The following PDPK1 variants were observed in gnomAD, a reference collection of about 807,000 sequenced individuals.
The protein encoded by PDPK1 is 3-phosphoinositide-dependent protein kinase 1.
In PDPK1, 7 loss-of-function variants were observed where a neutral mutation model predicts 39.8. The observed-to-expected ratio is 0.18, with a 90% confidence interval of 0.10 to 0.33. The LOEUF is 0.33. Ranked by LOEUF, PDPK1 falls within the 10% of genes least tolerant of loss-of-function variation. The pLI, the probability that PDPK1 is intolerant of heterozygous loss-of-function variation, is 1.00. For missense variants in PDPK1, 182 were observed against 384.7 expected (o/e 0.47, Z 4.41); for synonymous variants, 118 against 159.1 (o/e 0.74, Z 1.95).
intron 1 of PDPK1, chr16:2,538,545 C>T (rs2066181177): frequency 9.8e-7 from 1 of 1,024,824 alleles, no homozygotes; most frequent in Non-Finnish European, 1.3e-6. Context: ...TCCTTGGCGC[C>T]TCCGCCTGCG....
chr16:2,585,772 G>A (rs2066859411), intron 10 of PDPK1, among the ~76,000 whole-genome samples: 1 of 152,252 alleles, frequency 6.6e-6, no homozygotes, highest in Admixed American at 6.5e-5. Flanking sequence ...GCGGGGCTGT[G>A]GTGCAGCTGT....
At chr16:2,544,145 T>C (rs2066291838) in intron 1 of PDPK1, among the ~76,000 whole-genome samples, 1 of 152,200 alleles carries the variant, frequency 6.6e-6, no homozygotes, top group African/African-American at 2.4e-5. Context: ...GTTGGTTGAA[T>C]CCATGCATGT....
Position 2,601,266 on chromosome 16 carries a change from G to A in PDPK1, c.*3499G>A, listed in dbSNP as rs1377722093. 1.7e-5 allele frequency: 4 copies of A among 234,148 alleles called. No homozygotes were observed. Among genetic ancestry groups the A allele is most frequent in the Non-Finnish European group, 2.5e-5 (3 of 117,786 alleles). 14.5% of individuals were successfully genotyped at this position (234,148 alleles called of 1,614,324 possible). ...GTGTCTTACAGATTCTGAACAAATC[G>A]GTTTCTGATAAGCCATGTGTTCCAA... On this transcript the variant is annotated 3_prime_UTR_variant, in exon 14 of 14. Coordinates refer to ENST00000342085, the MANE Select transcript of PDPK1 (RefSeq NM_002613.5).
intron 11 of PDPK1, among the ~76,000 whole-genome samples, chr16:2,590,128 C>CTT (rs57009578): frequency 8.7e-5 from 13 of 149,814 alleles, no homozygotes; most frequent in Admixed American, 6.7e-5. Flanking sequence ...GGATGATGTT[C>CTT]TTTTTTTTTT....
intron 1 of PDPK1, among the ~76,000 whole-genome samples, chr16:2,543,798 C>A (rs964250093): frequency 2.6e-5 from 4 of 152,094 alleles, no homozygotes; most frequent in African/African-American, 4.8e-5. Context: ...CTCGGCTCAC[C>A]GCAACCTCCG....
chr16:2,553,170 TAA>T (rs1162812696), intron 1 of PDPK1, among the ~76,000 whole-genome samples: 1 of 130,822 alleles, frequency 7.6e-6, no homozygotes, highest in East Asian at 2.0e-4. Flanking sequence ...CTTTTTTTTT[TAA>T]AAAAAAAAAA....
At chr16:2,546,120 G>C (rs1451035919) in intron 1 of PDPK1, among the ~76,000 whole-genome samples, 1 of 152,094 alleles carries the variant, frequency 6.6e-6, no homozygotes. Flanking sequence ...GTCTCACTCT[G>C]TCACCCAGGC....
In PDPK1 at chr16:2,593,209, G is replaced by T. The variant is rs1285156586; in HGVS notation, c.1344-2584G>T. On this transcript the variant is annotated intron_variant, in intron 11 of 13. Transcript: ENST00000342085. The surrounding 1 kb of genome is among the most constrained non-coding windows in gnomAD (Gnocchi z 4.2). ...GCCCAGCTCAATGTCTTCATTTAGGGCCATTGAGAGTTTCTTGTGTCACTG... is the reference window on the plus strand; with the variant it reads ...GCCCAGCTCAATGTCTTCATTTAGGTCCATTGAGAGTTTCTTGTGTCACTG... 2.6e-6 allele frequency: 1 copy of T among 390,542 alleles called. No individual in the cohort carries two copies. Among genetic ancestry groups the T allele is most frequent in the South Asian group, 1.8e-5 (1 of 54,668 alleles). The allele number at this position is 390,542 out of a possible 1,614,324, so 24.2% of individuals were successfully genotyped here.
intron 1 of PDPK1, among the ~76,000 whole-genome samples, chr16:2,541,143 T>C (rs972315970): frequency 6.6e-6 from 1 of 152,174 alleles, no homozygotes; most frequent in African/African-American, 2.4e-5. Context: ...AGATGTGTTC[T>C]TATGAGAAGG....
chr16:2,546,759 C>A (rs190293721), intron 1 of PDPK1, among the ~76,000 whole-genome samples: 1 of 152,280 alleles, frequency 6.6e-6, no homozygotes, highest in African/African-American at 2.4e-5. Context: ...GCTGTAGCTT[C>A]TAAGGTGTCC....
chr16:2,546,678 G>A (rs2066354162), intron 1 of PDPK1, among the ~76,000 whole-genome samples: 1 of 152,122 alleles, frequency 6.6e-6, no homozygotes, highest in Admixed American at 6.5e-5. Flanking sequence ...TCCTGACAGC[G>A]GGGCCCTACT....
At chr16:2,589,830 ATAAAT>A (rs1384212353) in intron 11 of PDPK1, among the ~76,000 whole-genome samples, 1 of 152,240 alleles carries the variant, frequency 6.6e-6, no homozygotes, top group African/African-American at 2.4e-5. Flanking sequence ...TTTTCAGACA[ATAAAT>A]TAAAGAGTCA....
At chr16:2,544,187 G>C (rs1203173412) in intron 1 of PDPK1, among the ~76,000 whole-genome samples, 2 of 152,206 alleles carry the variant, frequency 1.3e-5, no homozygotes, top group Non-Finnish European at 2.9e-5. Context: ...ATGGCAGACT[G>C]TATGTACTCT....
intron 1 of PDPK1, among the ~76,000 whole-genome samples, chr16:2,546,579 C>T (rs567514673): frequency 1.3e-5 from 2 of 152,312 alleles, no homozygotes; most frequent in South Asian, 2.1e-4. Context: ...AGCCATCTGC[C>T]TTGGCCTCCC....
chr16:2,540,995 C>T (rs1268866679), intron 1 of PDPK1, among the ~76,000 whole-genome samples: 2 of 152,084 alleles, frequency 1.3e-5, no homozygotes, highest in Non-Finnish European at 2.9e-5. Flanking sequence ...GGGAGTTCCT[C>T]CTTATGTGGC....
chr16:2,596,108 C>T (rs2067096531), intron 12 of PDPK1, among the ~76,000 whole-genome samples: 2 of 152,250 alleles, frequency 1.3e-5, no homozygotes, highest in Non-Finnish European at 2.9e-5. Context: ...TTGAGGTTTC[C>T]GTCAAGTTGA....
chr16:2,538,909 A>G, intron 1 of PDPK1: 1 of 520,056 alleles, frequency 1.9e-6, no homozygotes, highest in Non-Finnish European at 3.0e-6. Context: ...TCCATATGCT[A>G]AGTTCTACAG....
chr16:2,555,451 ACTTGAGCCTAG>A (rs2066480373), intron 1 of PDPK1: 1 of 138,134 alleles, frequency 7.2e-6, no homozygotes, highest in South Asian at 2.3e-4. Context: ...TGGGAGGATC[ACTTGAGCCTAG>A]GAGGTCGAGA....
rs1441652132 is a variant in PDPK1, at chr16:2,556,352, G to A, written c.25-1351G>A. Among the ~76,000 whole-genome samples, 34 of 147,444 alleles carry A rather than the reference G, an allele frequency of 2.3e-4. 1 individual carries two copies. The highest frequency in any genetic ancestry group is 8.2e-4 in the African/African-American group (32 of 39,086). On this transcript the variant is annotated intron_variant, in intron 1 of 13. Transcript: ENST00000342085. Reference sequence around the variant, plus strand: ...TCCACCCACTTTGGCCTCTGCGCCCGGCCTATTTTTTTTTTTTTTTTTTTT... The same window carrying A: ...TCCACCCACTTTGGCCTCTGCGCCCAGCCTATTTTTTTTTTTTTTTTTTTT...
Sources: gnomAD v4.1 joint callset for allele counts (sites outside exome capture counted in the v4.1 genomes callset) on GRCh38, gnomAD v4.1.1 for gene constraint, Gnocchi (gnomAD v3.1) non-coding constraint, MANE v1.5 for transcripts, NCBI Gene and HGNC (gene_info 2026-07-23, HGNC 2026-07-21) for gene names.